TNNI3K: variants seen among roughly 807,000 people sequenced by gnomAD.
TNNI3K encodes the protein serine/threonine-protein kinase TNNI3K.
TNNI3K carries 140 observed loss-of-function variants against 114.5 expected under a neutral mutation model. That is an observed-to-expected ratio of 1.22 (90% CI 1.07 to 1.41). TNNI3K has a LOEUF of 1.41. Among genes scored for constraint, TNNI3K ranks in the 40% most tolerant of loss-of-function variants. TNNI3K has a pLI of 0.00. For synonymous variants in TNNI3K, 347 were observed against 347.5 expected (o/e 1.00, Z 0.02); for missense variants, 1,125 against 1,007.6 (o/e 1.12, Z -1.58).
chr1:74,289,108 A>G (rs1308945867), intron 5 of TNNI3K, among the ~76,000 whole-genome samples: 1 of 151,902 alleles, frequency 6.6e-6, no homozygotes, highest in South Asian at 2.1e-4. Context: ...TACATTGTGT[A>G]TATAAATATC....
chr1:74,330,534 AAGATTAT>A (rs1557500754), intron 5 of TNNI3K, among the ~76,000 whole-genome samples: 10 of 152,116 alleles, frequency 6.6e-5, no homozygotes, highest in Admixed American at 5.9e-4. Context: ...AATTTTTGTT[AAGATTAT>A]AGATGAGACC....
At chr1:74,314,960 C>G (rs1221585194) in intron 5 of TNNI3K, among the ~76,000 whole-genome samples, 3 of 152,212 alleles carry the variant, frequency 2.0e-5, no homozygotes, top group East Asian at 1.9e-4. Flanking sequence ...CACTCCCTGC[C>G]TATTTTATTA....
In TNNI3K at chr1:74,528,572, TA is replaced by T. The variant is rs1337053410; in HGVS notation, c.2352-11660del. Among the ~76,000 whole-genome samples, 9 of 152,216 alleles carry T rather than the reference TA, an allele frequency of 5.9e-5. No homozygotes were observed. In the South Asian group the frequency reaches 6.2e-4, roughly 11 times the overall value. On this transcript the variant is annotated intron_variant, in intron 23 of 24. Coordinates refer to ENST00000326637, the MANE Select transcript of TNNI3K (RefSeq NM_015978.3). ...ATCAAATAAGTAAATATATTTAGGA[TA>T]ATGGGAGCTAGGTTTCTCACTGTCA...
chr1:74,319,624 A>G (rs1659501331), intron 5 of TNNI3K, among the ~76,000 whole-genome samples: 1 of 152,202 alleles, frequency 6.6e-6, no homozygotes, highest in South Asian at 2.1e-4. Flanking sequence ...AGGAGCAAAC[A>G]TGGCCTGGCA....
chr1:74,443,488 A>C (rs778754536), intron 20 of TNNI3K, among the ~76,000 whole-genome samples: 2 of 152,122 alleles, frequency 1.3e-5, no homozygotes, highest in Non-Finnish European at 2.9e-5. Context: ...ATAGACCAAT[A>C]ATAAGTTCTG....
At chr1:74,337,042 C>G (rs1351042983) in intron 7 of TNNI3K, among the ~76,000 whole-genome samples, 3 of 150,654 alleles carry the variant, frequency 2.0e-5, no homozygotes, top group Non-Finnish European at 4.5e-5. Context: ...GATTGCCATT[C>G]TAACTGGTGT....
chr1:74,460,801 G>T (rs1667424707), intron 20 of TNNI3K, among the ~76,000 whole-genome samples: 1 of 152,250 alleles, frequency 6.6e-6, no homozygotes, highest in Non-Finnish European at 1.5e-5. Flanking sequence ...AAGCAAAGGG[G>T]AGGAGATGCC....
intron 20 of TNNI3K, among the ~76,000 whole-genome samples, chr1:74,441,212 A>C (rs1389901792): frequency 6.6e-6 from 1 of 152,162 alleles, no homozygotes; most frequent in Non-Finnish European, 1.5e-5. Context: ...CCATCACTCC[A>C]AAAAGTTCCC....
At chr1:74,385,400 G>A (rs928581281) in intron 17 of TNNI3K, among the ~76,000 whole-genome samples, 1 of 152,160 alleles carries the variant, frequency 6.6e-6, no homozygotes, top group Non-Finnish European at 1.5e-5. Flanking sequence ...GTGGATACAA[G>A]TAAACTGCCT....
At chr1:74,265,058 T>G (rs1289673254) in intron 4 of TNNI3K, among the ~76,000 whole-genome samples, 1 of 151,988 alleles carries the variant, frequency 6.6e-6, no homozygotes, top group Non-Finnish European at 1.5e-5. Flanking sequence ...AATAACATGA[T>G]GTATTAAGAA....
intron 17 of TNNI3K, among the ~76,000 whole-genome samples, chr1:74,417,729 T>C (rs574844560): frequency 0.019 from 1,658 of 86,882 alleles, 28 homozygotes; most frequent in African/African-American, 0.067. Context: ...TGTGTGTGTG[T>C]GTGTCAGAGA....
chr1:74,508,122 G>A (rs1670000184), intron 23 of TNNI3K, among the ~76,000 whole-genome samples: 1 of 152,200 alleles, frequency 6.6e-6, no homozygotes, highest in African/African-American at 2.4e-5. Context: ...GCAGGCATGT[G>A]GATAGCTTCT....
At chr1:74,256,601 G>A (rs999798467) in intron 4 of TNNI3K, among the ~76,000 whole-genome samples, 5 of 151,914 alleles carry the variant, frequency 3.3e-5, no homozygotes, top group African/African-American at 9.7e-5. Context: ...GTCATTTGAA[G>A]AGTAAAAGGT....
At chr1:74,384,659 G>T (rs900096336) in intron 17 of TNNI3K, among the ~76,000 whole-genome samples, 140 of 152,212 alleles carry the variant, frequency 9.2e-4, no homozygotes, top group African/African-American at 3.3e-3. Flanking sequence ...TCTCAAAACA[G>T]TTTGGCTTGT....
chr1:74,480,338 A>C (rs1668423508), intron 21 of TNNI3K: 3 of 717,662 alleles, frequency 4.2e-6, no homozygotes, highest in Non-Finnish European at 7.8e-6. Context: ...GGCATTCCTG[A>C]GCGTGTGAGC....
At chr1:74,448,477 T>A (rs1370922171) in intron 20 of TNNI3K, among the ~76,000 whole-genome samples, 1 of 145,456 alleles carries the variant, frequency 6.9e-6, no homozygotes, top group Non-Finnish European at 1.5e-5. Context: ...CTAATTGCCC[T>A]GGCCAGAACT....
intron 5 of TNNI3K, among the ~76,000 whole-genome samples, chr1:74,324,537 G>A (rs1379112228): frequency 2.0e-5 from 3 of 152,132 alleles, no homozygotes; most frequent in Admixed American, 6.5e-5. Context: ...ACAAAAAGAA[G>A]CATGTGTGCT....
intron 5 of TNNI3K, among the ~76,000 whole-genome samples, chr1:74,276,993 A>G (rs1411477692): frequency 6.6e-6 from 1 of 152,150 alleles, no homozygotes; most frequent in African/African-American, 2.4e-5. Flanking sequence ...ATCTATCAAT[A>G]CATTTGCATA....
At chr1:74,362,724 T>C (rs752687605) in intron 11 of TNNI3K, among the ~76,000 whole-genome samples, 6 of 151,956 alleles carry the variant, frequency 3.9e-5, no homozygotes, top group Non-Finnish European at 8.8e-5. Context: ...AAAATAACTA[T>C]TAAGAAAGTT....
Sources: gnomAD v4.1 joint callset for allele counts (sites outside exome capture counted in the v4.1 genomes callset) on GRCh38, gnomAD v4.1.1 for gene constraint, MANE v1.5 for transcripts, NCBI Gene and HGNC (gene_info 2026-07-23, HGNC 2026-07-21) for gene names.